AHI1: variants seen among roughly 807,000 people sequenced by gnomAD.
AHI1 encodes Abelson helper integration site 1, also known as jouberin.
Under a neutral mutation model 149.3 loss-of-function variants are expected in AHI1, and 123 were observed. That is an observed-to-expected ratio of 0.82 (90% CI 0.71 to 0.96). The LOEUF is 0.96. Ranked by LOEUF, AHI1 falls within the 40% of genes least tolerant of loss-of-function variation. AHI1 has a pLI of 0.00. For missense variants in AHI1, 1,439 were observed against 1,422.7 expected, an observed-to-expected ratio of 1.01 and a Z score of -0.18; for synonymous variants, 475 against 459.8, an observed-to-expected ratio of 1.03 and a Z score of -0.42.
intron 5 of AHI1, 64 bp downstream of exon 5, chr6:135,490,559 T>C: frequency 6.3e-7 from 1 of 1,581,006 alleles, no homozygotes; most frequent in South Asian, 1.1e-5. Flanking sequence ...TAACATAAAA[T>C]GCAGCCATAT....
chr6:135,323,456 G>A, intron 24 of AHI1, 132 bp from the exon 25 acceptor site: 1 of 899,720 alleles, frequency 1.1e-6, no homozygotes. Context: ...GCTGTCTCAA[G>A]GTTTGCTAAT....
At chr6:135,427,366 T>A in intron 19 of AHI1, 59 bp from the exon 20 acceptor site, 1 of 1,425,040 alleles carries the variant, frequency 7.0e-7, no homozygotes, top group Non-Finnish European at 9.6e-7. Flanking sequence ...CGATAAATCT[T>A]CTCACAAGAT....
intron 26 of AHI1, among the ~76,000 whole-genome samples, chr6:135,303,340 C>T (rs769823055): frequency 1.4e-4 from 22 of 152,074 alleles, no homozygotes; most frequent in Admixed American, 8.5e-4. Flanking sequence ...ATTTATGATA[C>T]GGTATAGTTC....
intron 21 of AHI1, among the ~76,000 whole-genome samples, chr6:135,407,658 T>C (rs1780980092): frequency 6.6e-6 from 1 of 152,232 alleles, no homozygotes; most frequent in South Asian, 2.1e-4. Context: ...TAATTCAAAG[T>C]AAATTTTTTT....
intron 21 of AHI1, 75 bp downstream of exon 21, chr6:135,411,273 G>T: frequency 7.4e-7 from 1 of 1,342,462 alleles, no homozygotes; most frequent in Admixed American, 1.9e-5. Flanking sequence ...TTCATTAAAT[G>T]AATATTTATT....
chr6:135,473,941 G>A (rs139087482), intron 5 of AHI1, among the ~76,000 whole-genome samples: 1,881 of 152,192 alleles, frequency 0.012, 30 homozygotes, highest in African/African-American at 0.041. Flanking sequence ...CACGCATTCA[G>A]TAGAAACCAT....
intron 24 of AHI1, among the ~76,000 whole-genome samples, chr6:135,333,599 T>C (rs954506454): frequency 6.6e-6 from 1 of 152,228 alleles, no homozygotes; most frequent in African/African-American, 2.4e-5. Context: ...AATGATCTGT[T>C]CCTATCTTGC....
chr6:135,445,118 C>T (rs17064518), intron 13 of AHI1, among the ~76,000 whole-genome samples: 1,790 of 152,260 alleles, frequency 0.012, 41 homozygotes, highest in African/African-American at 0.041. Flanking sequence ...TTAAAGTATT[C>T]TAACTCAAAG....
intron 21 of AHI1, among the ~76,000 whole-genome samples, chr6:135,409,240 A>G (rs985673187): frequency 6.6e-6 from 1 of 152,118 alleles, no homozygotes; most frequent in Admixed American, 6.6e-5. Context: ...GTGTGTTTGT[A>G]TGTTTTGTAT....
chr6:135,481,790 G>A lies in AHI1; in HGVS notation c.135+8833C>T, dbSNP rs116758638. On this transcript the variant is annotated intron_variant, in intron 5 of 28. Transcript: ENST00000265602. ...GTGCACCTCAAAAAGTTTTTATTTCGCCTTCATTTTTGCAAGGAGACATAT... is the reference window on the plus strand; with the variant it reads ...GTGCACCTCAAAAAGTTTTTATTTCACCTTCATTTTTGCAAGGAGACATAT... Among the ~76,000 whole-genome samples, 882 of 133,334 alleles carry A rather than the reference G, an allele frequency of 6.6e-3. 13 individuals carry two copies. Among genetic ancestry groups the A allele is most frequent in the African/African-American group, 0.023 (831 of 35,856 alleles). The allele number at this position is 133,334 out of a possible 152,430, so 87.5% of individuals were successfully genotyped here.
chr6:135,444,484 C>T (rs1245604996), intron 13 of AHI1, among the ~76,000 whole-genome samples: 1 of 152,138 alleles, frequency 6.6e-6, no homozygotes, highest in Non-Finnish European at 1.5e-5. Context: ...CACTTATTTG[C>T]AACTTTGCCT....
chr6:135,345,934 T>A (rs1383172338), intron 24 of AHI1, among the ~76,000 whole-genome samples: 3 of 152,156 alleles, frequency 2.0e-5, no homozygotes, highest in Non-Finnish European at 4.4e-5. Flanking sequence ...GGAGACCATA[T>A]TTCTCCATGT....
intron 20 of AHI1, among the ~76,000 whole-genome samples, chr6:135,417,453 A>C (rs1782543437): frequency 6.6e-6 from 1 of 152,024 alleles, no homozygotes; most frequent in African/African-American, 2.4e-5. Context: ...AAGTATTATA[A>C]TATGCTAAAC....
chr6:135,490,415 T>C, intron 5 of AHI1: 1 of 660,126 alleles, frequency 1.5e-6, no homozygotes, highest in Non-Finnish European at 2.6e-6. Flanking sequence ...GTGTTCTTCC[T>C]GTAGGACAGC....
chr6:135,489,795 C>T (rs1794986712), intron 5 of AHI1: 2 of 167,430 alleles, frequency 1.2e-5, no homozygotes, highest in Non-Finnish European at 2.5e-5. Flanking sequence ...ACATTGACAT[C>T]TGCCAGACAG....
At chr6:135,460,767 C>T (rs1364765700) in intron 8 of AHI1, among the ~76,000 whole-genome samples, 1 of 152,072 alleles carries the variant, frequency 6.6e-6, no homozygotes, top group African/African-American at 2.4e-5. Context: ...AAAACTGATC[C>T]ACATGTAACA....
chr6:135,314,263 T>C (rs1332369697), intron 26 of AHI1, among the ~76,000 whole-genome samples: 1 of 152,224 alleles, frequency 6.6e-6, no homozygotes, highest in African/African-American at 2.4e-5. Context: ...GGTGCTTTTA[T>C]AATGAGAGAC....
chr6:135,304,218 T>A, intron 26 of AHI1, among the ~76,000 whole-genome samples: 1 of 152,008 alleles, frequency 6.6e-6, no homozygotes, highest in East Asian at 1.9e-4. Flanking sequence ...TCATGTCTAA[T>A]TTTTTTGATT....
chr6:135,423,599 T>C (rs1264422647), intron 20 of AHI1, among the ~76,000 whole-genome samples: 1 of 152,132 alleles, frequency 6.6e-6, no homozygotes, highest in African/African-American at 2.4e-5. Flanking sequence ...TAAATTTCTT[T>C]TAGAAATGTA....
Sources: gnomAD v4.1 joint callset for allele counts (sites outside exome capture counted in the v4.1 genomes callset) on GRCh38, gnomAD v4.1.1 for gene constraint, MANE v1.5 for transcripts, NCBI Gene and HGNC (gene_info 2026-07-23, HGNC 2026-07-21) for gene names.